Variants in CALN1 observed in about 807,000 individuals in gnomAD.
CALN1 encodes calcium-binding protein 8.
In CALN1, 17 loss-of-function variants were observed where a neutral mutation model predicts 30.6. The ratio of observed to expected loss-of-function variants is 0.56; its 90% CI spans 0.38 to 0.83. The LOEUF (loss-of-function observed/expected upper bound fraction) is 0.83. Ranked by LOEUF, CALN1 falls within the 40% of genes least tolerant of loss-of-function variation. The pLI is 0.00. For missense variants in CALN1, 291 were observed against 354.9 expected (o/e 0.82, Z 1.45); for synonymous variants, 156 against 131.4 (o/e 1.19, Z -1.28).
chr7:72,166,123 A>G (rs919034239), intron 3 of CALN1, among the ~76,000 whole-genome samples: 2 of 152,188 alleles, frequency 1.3e-5, no homozygotes, highest in African/African-American at 4.8e-5. Flanking sequence ...TAATAAAAAC[A>G]TTAGAAGAAA....
chr7:72,087,153 G>A (rs1407348343), intron 4 of CALN1, among the ~76,000 whole-genome samples: 1 of 152,164 alleles, frequency 6.6e-6, no homozygotes, highest in African/African-American at 2.4e-5. Context: ...ACAAAAGAGC[G>A]TCTGAAATAA....
At chr7:72,390,794 G>T (rs1256204387) in intron 2 of CALN1, among the ~76,000 whole-genome samples, 4 of 152,092 alleles carry the variant, frequency 2.6e-5, no homozygotes, top group Non-Finnish European at 5.9e-5. Context: ...CAACAAGGAA[G>T]CACATGTGTT....
At chr7:71,900,133 TGACA>T (rs1455446310) in intron 5 of CALN1, among the ~76,000 whole-genome samples, 15 of 152,208 alleles carry the variant, frequency 9.9e-5, no homozygotes, top group African/African-American at 2.2e-4. Flanking sequence ...TCCATAATTG[TGACA>T]GACAAATTTT....
intron 5 of CALN1, among the ~76,000 whole-genome samples, chr7:71,934,157 T>C (rs1795708414): frequency 6.6e-6 from 1 of 152,220 alleles, no homozygotes; most frequent in African/African-American, 2.4e-5. Context: ...CTCATGCAAC[T>C]TCTAGCTAAA....
chr7:72,098,762 G>GCA (rs1491515765), intron 4 of CALN1, among the ~76,000 whole-genome samples: 8,038 of 115,338 alleles, frequency 0.07, 270 homozygotes, highest in Non-Finnish European at 0.087. Context: ...CCCATTTGGC[G>GCA]CGCACACACA....
chr7:72,247,314 C>T (rs1315868386), intron 3 of CALN1, among the ~76,000 whole-genome samples: 3 of 130,800 alleles, frequency 2.3e-5, no homozygotes, highest in East Asian at 2.5e-4. Flanking sequence ...AGTGGCGCGA[C>T]GTTGGCTCAC....
At chr7:71,950,766 C>A (rs1252222990) in intron 5 of CALN1, among the ~76,000 whole-genome samples, 1 of 152,232 alleles carries the variant, frequency 6.6e-6, no homozygotes, top group Admixed American at 6.5e-5. Context: ...ACATCTGGCA[C>A]CAGCCAGTCT....
rs867926128 is a variant in CALN1, at chr7:71,904,704, A to G, written c.502-94212T>C. Among the ~76,000 whole-genome samples the G allele has an allele frequency of 2.8e-3, 434 of 152,352 alleles. 3 individuals carry two copies. The highest frequency in any genetic ancestry group is 1.0e-2 in the African/African-American group (414 of 41,580). ...CTGAGTGGACAAATGCATTCTCCAC[A>G]AAAATGATAACTATTTGAGGTCACG... On this transcript the variant is annotated intron_variant, in intron 5 of 6. Transcript: ENST00000395275.
chr7:71,862,938 G>T (rs1791375384), intron 5 of CALN1, among the ~76,000 whole-genome samples: 1 of 152,282 alleles, frequency 6.6e-6, no homozygotes, highest in Middle Eastern at 3.4e-3. Context: ...AATGTGGCTT[G>T]AATGAACTTC....
chr7:72,142,789 C>T (rs1292164714), intron 3 of CALN1, among the ~76,000 whole-genome samples: 7 of 152,120 alleles, frequency 4.6e-5, no homozygotes, highest in East Asian at 1.9e-4. Context: ...TCCAGAGGAA[C>T]GATCAGGCAG....
At chr7:72,245,136 G>A (rs1405199594) in intron 3 of CALN1, among the ~76,000 whole-genome samples, 4 of 152,178 alleles carry the variant, frequency 2.6e-5, no homozygotes, top group Non-Finnish European at 5.9e-5. Flanking sequence ...ATCCCCGCTG[G>A]AGGTGCTATG....
At chr7:72,396,910 AAGT>A (rs1490362533) in intron 2 of CALN1, among the ~76,000 whole-genome samples, 1 of 152,026 alleles carries the variant, frequency 6.6e-6, no homozygotes, top group Non-Finnish European at 1.5e-5. Flanking sequence ...GTAGTAGTAA[AAGT>A]AGTAGTAGAA....
intron 2 of CALN1, among the ~76,000 whole-genome samples, chr7:72,379,442 A>C (rs1804762555): frequency 6.6e-6 from 1 of 152,262 alleles, no homozygotes; most frequent in South Asian, 2.1e-4. Context: ...AATGCTCTTC[A>C]TGAATTATCT....
intron 4 of CALN1, among the ~76,000 whole-genome samples, chr7:72,068,549 G>A (rs533352840): frequency 2.6e-5 from 4 of 152,220 alleles, no homozygotes; most frequent in African/African-American, 9.6e-5. Context: ...GTGCAGTGGC[G>A]AGATCTCAGC....
chr7:71,942,472 T>C, intron 5 of CALN1: 1 of 165,188 alleles, frequency 6.1e-6, no homozygotes. Context: ...GCGCTGAACT[T>C]GGCTGCTCAC....
intron 5 of CALN1, among the ~76,000 whole-genome samples, chr7:71,893,669 C>T (rs1010725239): frequency 4.7e-5 from 7 of 149,942 alleles, no homozygotes; most frequent in African/African-American, 1.2e-4. Context: ...CTAGCCTGGG[C>T]GACAGAGCAA....
the CALN1 span, among the ~76,000 whole-genome samples, chr7:72,481,193 C>G: frequency 6.6e-6 from 1 of 152,280 alleles, no homozygotes; most frequent in South Asian, 2.1e-4. Flanking sequence ...CTCAAGTGAT[C>G]CGCCCGCGTC....
At chr7:71,836,295 T>C (rs1446773612) in intron 5 of CALN1, among the ~76,000 whole-genome samples, 3 of 152,110 alleles carry the variant, frequency 2.0e-5, no homozygotes, top group African/African-American at 4.8e-5. Context: ...CCTTGCAATT[T>C]CCAAGGGCAA....
chr7:72,276,049 G>C (rs370921391), intron 3 of CALN1, among the ~76,000 whole-genome samples: 13 of 152,276 alleles, frequency 8.5e-5, no homozygotes, highest in African/African-American at 2.4e-4. Flanking sequence ...AAGGAGGAAG[G>C]GGGGAGAATA....
Sources: gnomAD v4.1 joint callset for allele counts (sites outside exome capture counted in the v4.1 genomes callset) on GRCh38, gnomAD v4.1.1 for gene constraint, MANE v1.5 for transcripts, NCBI Gene and HGNC (gene_info 2026-07-23, HGNC 2026-07-21) for gene names.